GALNT13: variants seen among roughly 807,000 people sequenced by gnomAD.
GALNT13 encodes the protein UDP-GalNAc:polypeptide N-acetylgalactosaminyltransferase 13.
A neutral mutation model predicts 64.2 loss-of-function variants in GALNT13; 28 were observed. The observed-to-expected ratio is 0.44, with a 90% CI of 0.32 to 0.60. GALNT13 has a LOEUF of 0.60. Among genes scored for constraint, GALNT13 ranks in the 20% least tolerant of loss-of-function variants. The probability of loss-of-function intolerance (pLI) is 0.05; values close to 1 mark genes in which losing one functional copy is unlikely to be tolerated. For missense variants in GALNT13, 577 were observed against 669.8 expected, an observed-to-expected ratio of 0.86 and a Z score of 1.53; for synonymous variants, 214 against 224.6, an observed-to-expected ratio of 0.95 and a Z score of 0.42.
the GALNT13 span, among the ~76,000 whole-genome samples, chr2:153,319,260 G>A: frequency 1.3e-5 from 2 of 152,124 alleles, no homozygotes; most frequent in Admixed American, 6.5e-5. Flanking sequence ...TGTCATTTTC[G>A]CTATTGTATT....
the GALNT13 span, among the ~76,000 whole-genome samples, chr2:153,743,959 A>G: frequency 0.019 from 2,937 of 152,198 alleles, 91 homozygotes; most frequent in African/African-American, 0.066. Context: ...TTCACTTAGC[A>G]TCATGACCTC....
chr2:154,053,976 C>G (rs748595176), intron 3 of GALNT13, among the ~76,000 whole-genome samples: 1 of 152,092 alleles, frequency 6.6e-6, no homozygotes, highest in African/African-American at 2.4e-5. Flanking sequence ...GTTCTTGATA[C>G]TTCTCTTTCT....
chr2:153,631,876 C>T, the GALNT13 span, among the ~76,000 whole-genome samples: 6 of 152,244 alleles, frequency 3.9e-5, no homozygotes, highest in Admixed American at 3.9e-4. Context: ...ATATGAAGTC[C>T]TTGCCCATGC....
intron 3 of GALNT13, among the ~76,000 whole-genome samples, chr2:154,100,328 A>C (rs1180426183): frequency 2.0e-5 from 3 of 152,016 alleles, no homozygotes; most frequent in Admixed American, 1.3e-4. Context: ...TGATTCTTGA[A>C]ATCTTTGAGG....
chr2:154,028,864 CA>C (rs993935072), intron 3 of GALNT13, among the ~76,000 whole-genome samples: 1 of 151,738 alleles, frequency 6.6e-6, no homozygotes, highest in African/African-American at 2.4e-5. Flanking sequence ...GAACAGCAAG[CA>C]AAAAAACTAG....
the GALNT13 span, among the ~76,000 whole-genome samples, chr2:153,335,967 T>C: frequency 1.3e-5 from 2 of 152,208 alleles, no homozygotes; most frequent in Admixed American, 1.3e-4. Flanking sequence ...GGGGCCAATG[T>C]AGAGCTTGGG....
the GALNT13 span, among the ~76,000 whole-genome samples, chr2:153,824,858 C>T: frequency 1.3e-4 from 20 of 152,064 alleles, no homozygotes; most frequent in South Asian, 4.2e-4. Context: ...CTGCTCCAGC[C>T]GTGTAAGATG....
the GALNT13 span, among the ~76,000 whole-genome samples, chr2:153,223,231 T>C: frequency 6.6e-6 from 1 of 152,202 alleles, no homozygotes; most frequent in Non-Finnish European, 1.5e-5. Flanking sequence ...ACTACTATAG[T>C]TGGAGACTTC....
the GALNT13 span, among the ~76,000 whole-genome samples, chr2:153,227,217 C>A: frequency 0.83 from 126,265 of 152,168 alleles, 53,581 homozygotes; most frequent in African/African-American, 0.91. Context: ...TATAATTCTC[C>A]AATCTGTCAT....
At chr2:153,630,785 A>T in the GALNT13 span, among the ~76,000 whole-genome samples, 9 of 10,430 alleles carry the variant, frequency 8.6e-4, no homozygotes, top group South Asian at 0.023. Flanking sequence ...ATATATATAT[A>T]TATATATATA....
the GALNT13 span, among the ~76,000 whole-genome samples, chr2:153,104,232 G>A: frequency 6.6e-6 from 1 of 151,942 alleles, no homozygotes; most frequent in Non-Finnish European, 1.5e-5. Context: ...TTTTTATCTG[G>A]CATCATTTCT....
chr2:153,988,057 CATATATAT>C lies in GALNT13; in HGVS notation c.142+43428_142+43435del, dbSNP rs149702413. On this transcript the variant is annotated intron_variant, in intron 3 of 12. Transcript: ENST00000392825. ...GTATACATTTGAGGGTAGGAGGTGA[CATATATAT>C]ATATATATACACACACACACACACA... Among the ~76,000 whole-genome samples the C allele has an allele frequency of 3.5e-3, 416 of 118,272 alleles. 1 individual carries two copies. Among genetic ancestry groups the C allele is most frequent in the Non-Finnish European group, 7.0e-3 (331 of 47,174 alleles). 77.6% of individuals were successfully genotyped at this position (118,272 alleles called of 152,430 possible).
chr2:154,088,811 A>T (rs576089055), intron 3 of GALNT13, among the ~76,000 whole-genome samples: 1 of 152,134 alleles, frequency 6.6e-6, no homozygotes, highest in Non-Finnish European at 1.5e-5. Flanking sequence ...TGCATAAAGT[A>T]TCAGGGCTAT....
rs1692030793 is a variant in GALNT13 at position 154,282,735 on chromosome 2, G to A, written c.976-18674G>A. ...AAAAACATTAAATTATCAAGTATTG[G>A]AAAGAATCCTCAGGTGTGCTGAATC... is the stretch of plus-strand genomic sequence containing the variant. On this transcript the variant is annotated intron_variant, in intron 8 of 12. Coordinates refer to ENST00000392825, the MANE Select transcript of GALNT13 (RefSeq NM_052917.4). Among the ~76,000 whole-genome samples, 3 of 151,984 alleles carry A rather than the reference G, an allele frequency of 2.0e-5. No homozygotes were observed. The South Asian group carries it at 6.2e-4, about 32-fold the overall frequency.
chr2:154,193,063 TTG>T (rs1686685351), intron 4 of GALNT13, among the ~76,000 whole-genome samples: 1 of 152,202 alleles, frequency 6.6e-6, no homozygotes, highest in Non-Finnish European at 1.5e-5. Flanking sequence ...TAGTGTGTGT[TTG>T]TGTGTCAGAT....
chr2:153,771,366 G>A, the GALNT13 span, among the ~76,000 whole-genome samples: 1 of 152,148 alleles, frequency 6.6e-6, no homozygotes, highest in East Asian at 1.9e-4. Flanking sequence ...TTACATCCAG[G>A]TGTGGAGCAG....
At chr2:153,794,001 A>T in the GALNT13 span, among the ~76,000 whole-genome samples, 1 of 152,160 alleles carries the variant, frequency 6.6e-6, no homozygotes, top group Non-Finnish European at 1.5e-5. Context: ...AGGGCGGACT[A>T]CTTTGAATTT....
At chr2:154,246,420 T>C (rs1462895281) in intron 7 of GALNT13, among the ~76,000 whole-genome samples, 1 of 152,114 alleles carries the variant, frequency 6.6e-6, no homozygotes, top group African/African-American at 2.4e-5. Context: ...ATAGATTCTA[T>C]AGGTCCATTT....
At chr2:153,205,063 G>A in the GALNT13 span, among the ~76,000 whole-genome samples, 44 of 152,118 alleles carry the variant, frequency 2.9e-4, no homozygotes, top group African/African-American at 1.0e-3. Context: ...TTATTTTGAA[G>A]GGTCATTCTG....
Sources: gnomAD v4.1 joint callset for allele counts (sites outside exome capture counted in the v4.1 genomes callset) on GRCh38, gnomAD v4.1.1 for gene constraint, MANE v1.5 for transcripts, NCBI Gene and HGNC (gene_info 2026-07-23, HGNC 2026-07-21) for gene names.